The following DPY19L1 variants were observed in gnomAD, a reference collection of about 807,000 sequenced individuals.
DPY19L1 encodes dpy-19 like C-mannosyltransferase 1, also known as protein C-mannosyl-transferase DPY19L1.
Under a neutral mutation model 96.9 loss-of-function variants are expected in DPY19L1, and 35 were observed. That is an observed-to-expected ratio of 0.36 (90% CI 0.28 to 0.48). The LOEUF is 0.48. Among genes scored for constraint, DPY19L1 ranks in the 20% least tolerant of loss-of-function variants. The pLI, the probability that DPY19L1 is intolerant of heterozygous loss-of-function variation, is 0.99. For synonymous variants in DPY19L1, 205 were observed against 252.6 expected, an observed-to-expected ratio of 0.81 and a Z score of 1.79; for missense variants, 521 against 777.9, an observed-to-expected ratio of 0.67 and a Z score of 3.93.
chr7:34,956,540 T>G (rs1784383809), intron 11 of DPY19L1, among the ~76,000 whole-genome samples: 1 of 150,806 alleles, frequency 6.6e-6, no homozygotes, highest in Non-Finnish European at 1.5e-5. Flanking sequence ...GGAGTCTCGC[T>G]CTGTTGCCCA....
chr7:34,952,851 G>A (rs1784296997), intron 13 of DPY19L1, among the ~76,000 whole-genome samples: 1 of 152,128 alleles, frequency 6.6e-6, no homozygotes, highest in Admixed American at 6.6e-5. Flanking sequence ...AGGTTCTAGA[G>A]ATTAACCAAA....
intron 1 of DPY19L1, among the ~76,000 whole-genome samples, chr7:35,026,078 AT>A (rs887926412): frequency 4.9e-4 from 73 of 150,378 alleles, no homozygotes; most frequent in Admixed American, 3.5e-3. Context: ...GAACTCCAGG[AT>A]TTTTTTTTTA....
chr7:35,012,573 A>G (rs1309773994), intron 4 of DPY19L1, among the ~76,000 whole-genome samples: 1 of 152,222 alleles, frequency 6.6e-6, no homozygotes, highest in Non-Finnish European at 1.5e-5. Flanking sequence ...CATTTTCAAA[A>G]AACAATTCAA....
chr7:35,009,644 A>T (rs931623080), intron 6 of DPY19L1, among the ~76,000 whole-genome samples: 1 of 152,200 alleles, frequency 6.6e-6, no homozygotes, highest in African/African-American at 2.4e-5. Context: ...TATATACTGG[A>T]TGGAGCTGAA....
At chr7:34,935,139 A>C (rs1341442127) in intron 21 of DPY19L1, among the ~76,000 whole-genome samples, 1 of 152,188 alleles carries the variant, frequency 6.6e-6, no homozygotes, top group African/African-American at 2.4e-5. Flanking sequence ...TCAAGGCTGA[A>C]CTGTTACAAC....
chr7:35,033,845 A>T (rs1241217679), intron 1 of DPY19L1, among the ~76,000 whole-genome samples: 1 of 152,078 alleles, frequency 6.6e-6, no homozygotes, highest in African/African-American at 2.4e-5. Flanking sequence ...TTTGCCTCCC[A>T]GGGTACAATG....
chr7:35,035,669 CACCTTTTAGTTATG>C (rs2128685207), intron 1 of DPY19L1, among the ~76,000 whole-genome samples: 1 of 152,316 alleles, frequency 6.6e-6, no homozygotes, highest in East Asian at 1.9e-4. Context: ...GTATCACCCA[CACCTTTTAGTTATG>C]ATCCTTAACA....
At chr7:34,947,521 G>T in intron 15 of DPY19L1, 109 bp downstream of exon 15, 1 of 787,822 alleles carries the variant, frequency 1.3e-6, no homozygotes, top group Non-Finnish European at 2.1e-6. Flanking sequence ...GTTACAGTAA[G>T]CCCATACAAA....
At chr7:34,985,866 T>C (rs968854605) in intron 7 of DPY19L1, among the ~76,000 whole-genome samples, 1 of 152,070 alleles carries the variant, frequency 6.6e-6, no homozygotes, top group African/African-American at 2.4e-5. Context: ...CCCATGTTCA[T>C]TTCAGCATTA....
rs867121567 is a variant in DPY19L1 at position 35,006,642 on chromosome 7, T to A, written c.764+3826A>T. On this transcript the variant is annotated intron_variant, in intron 6 of 21. Transcript: ENST00000638088. ...AAAAAATAATTAACAATGAGTATTT[T>A]AAAAAAAATACTAAAATACTGAGAA... Among the ~76,000 whole-genome samples, 17 of 151,960 alleles carry A rather than the reference T, an allele frequency of 1.1e-4. 1 individual carries two copies. Among genetic ancestry groups the A allele is most frequent in the African/African-American group, 2.2e-4 (9 of 41,446 alleles).
At chr7:34,964,650 G>C (rs1245766437) in intron 10 of DPY19L1, among the ~76,000 whole-genome samples, 1 of 152,168 alleles carries the variant, frequency 6.6e-6, no homozygotes, top group Non-Finnish European at 1.5e-5. Flanking sequence ...AACAGATGTA[G>C]TAAAGCATTT....
chr7:35,037,027 G>T (rs1786427552), intron 1 of DPY19L1, 70 bp downstream of exon 1: 1 of 165,932 alleles, frequency 6.0e-6, no homozygotes, highest in South Asian at 2.1e-4. Flanking sequence ...GAAGGGGAGG[G>T]GAGGGGAGGG....
At position 35,011,315 on chromosome 7, in the gene DPY19L1, C is replaced by A. The variant is rs1173306103; in HGVS notation, c.670+15G>T. 1.2e-6 allele frequency: 2 copies of A among 1,610,352 alleles called. No homozygotes were observed. The highest frequency in any genetic ancestry group is 2.2e-5 in the South Asian group (2 of 90,288). On this transcript the variant is annotated intron_variant, in intron 5 of 21. Coordinates refer to ENST00000638088, the MANE Select transcript of DPY19L1 (RefSeq NM_001366673.1). The stretch of plus-strand genomic sequence containing the variant: ...TACAACAGATAACTGGACAATATTA[C>A]AGAAAGAAACTTACCTTCACAGCTT...
chr7:34,962,631 A>C (rs1415633191), intron 10 of DPY19L1, among the ~76,000 whole-genome samples: 1 of 152,144 alleles, frequency 6.6e-6, no homozygotes, highest in East Asian at 1.9e-4. Flanking sequence ...CAGGAGGTCA[A>C]GGCTGTGGTG....
chr7:34,957,926 A>G (rs1451931508), intron 11 of DPY19L1, 58 bp downstream of exon 11: 4 of 1,182,858 alleles, frequency 3.4e-6, no homozygotes, highest in Non-Finnish European at 4.8e-6. Context: ...CCAGTGAAGA[A>G]AAAATTGTTA....
intron 7 of DPY19L1, among the ~76,000 whole-genome samples, chr7:34,980,598 GAATAA>G (rs1369135031): frequency 6.6e-6 from 1 of 152,074 alleles, no homozygotes; most frequent in Non-Finnish European, 1.5e-5. Flanking sequence ...TCCCATATAT[GAATAA>G]AATAACCCAA....
At chr7:34,942,001 T>G in intron 17 of DPY19L1, 117 bp from the exon 18 acceptor site, 1 of 1,066,828 alleles carries the variant, frequency 9.4e-7, no homozygotes, top group Non-Finnish European at 1.3e-6. Flanking sequence ...ACTACTAAGG[T>G]TTCTGAAACT....
chr7:35,022,270 T>C (rs1786013137), intron 1 of DPY19L1, among the ~76,000 whole-genome samples: 1 of 152,222 alleles, frequency 6.6e-6, no homozygotes, highest in African/African-American at 2.4e-5. Flanking sequence ...ACATAAAATA[T>C]ATTTTTAAAA....
intron 1 of DPY19L1, among the ~76,000 whole-genome samples, chr7:35,019,499 A>G (rs190788269): frequency 1.3e-5 from 2 of 152,086 alleles, no homozygotes; most frequent in East Asian, 3.9e-4. Context: ...GAGGAAGAAG[A>G]AGGAAAAAGA....
Sources: allele counts gnomAD v4.1 joint callset (sites outside exome capture counted in the v4.1 genomes callset), GRCh38; gene constraint gnomAD v4.1.1; transcripts MANE v1.5; gene names NCBI Gene and HGNC (gene_info 2026-07-23, HGNC 2026-07-21).